AP1M1: variants seen among roughly 807,000 people sequenced by gnomAD.
AP1M1 encodes the protein AP-1 complex subunit mu-1.
A neutral mutation model predicts 57.1 loss-of-function variants in AP1M1; 18 were observed. The observed-to-expected ratio is 0.32, with a 90% CI of 0.22 to 0.47. The LOEUF is 0.47. Among genes scored for constraint, AP1M1 ranks in the 20% least tolerant of loss-of-function variants. AP1M1 has a pLI of 1.00. For synonymous variants in AP1M1, 241 were observed against 237.9 expected, an observed-to-expected ratio of 1.01 and a Z score of -0.12; for missense variants, 362 against 593.5, an observed-to-expected ratio of 0.61 and a Z score of 4.05.
At chr19:16,221,093 T>A (rs1413714594) in intron 5 of AP1M1, among the ~76,000 whole-genome samples, 1 of 152,238 alleles carries the variant, frequency 6.6e-6, no homozygotes, top group East Asian at 1.9e-4. Context: ...AAGTTATCAA[T>A]CATTGTTTCC....
At position 16,236,715 on chromosome 19, in the gene AP1M1, A is replaced by G. The variant is rs1447424620; in HGVS notation, c.*2280A>G. On this transcript the variant is annotated 3_prime_UTR_variant, in exon 12 of 12. Coordinates refer to ENST00000291439, the MANE Select transcript of AP1M1 (RefSeq NM_032493.4). ...CTCATTTAGACCCCACGCTTGTAAT[A>G]TCAATCTGGTTTGCAGACAACCAGG... The G allele has an allele frequency of 6.6e-6, 1 of 152,244 alleles. No individual in the cohort carries two copies. The highest frequency in any genetic ancestry group is 1.5e-5 in the Non-Finnish European group (1 of 68,044). 9.4% of individuals were successfully genotyped at this position (152,244 alleles called of 1,614,324 possible). A position where few individuals can be genotyped will look rare whatever the true frequency, so the allele number is the denominator to read the frequency against.
chr19:16,224,778 A>C (rs2091563694), intron 5 of AP1M1, among the ~76,000 whole-genome samples: 1 of 152,142 alleles, frequency 6.6e-6, no homozygotes, highest in Non-Finnish European at 1.5e-5. Flanking sequence ...AGGGGCCGTC[A>C]CAGTGGAGTG....
intron 9 of AP1M1, among the ~76,000 whole-genome samples, chr19:16,233,010 C>T (rs747535337): frequency 1.2e-4 from 18 of 152,190 alleles, no homozygotes; most frequent in Admixed American, 5.2e-4. Context: ...GTCGCCTCTC[C>T]CTGGTCATGG....
chr19:16,229,071 C>A, intron 9 of AP1M1, 143 bp downstream of exon 9: 1 of 969,116 alleles, frequency 1.0e-6, no homozygotes, highest in Non-Finnish European at 1.5e-6. Flanking sequence ...AAAGGGTGGA[C>A]GGAGAGCTGA....
intron 5 of AP1M1, among the ~76,000 whole-genome samples, chr19:16,216,519 TGTCAAGA>T (rs1208235913): frequency 1.3e-5 from 2 of 152,234 alleles, no homozygotes; most frequent in African/African-American, 4.8e-5. Flanking sequence ...TTATTTGAGT[TGTCAAGA>T]GTCCTTGTGC....
rs777004013 is a variant in AP1M1 at position 16,228,563 on chromosome 19, G to T, written c.889-207G>T. On this transcript the variant is annotated intron_variant, in intron 8 of 11. Transcript: ENST00000291439. The surrounding 1 kb of genome is among the most constrained non-coding windows in gnomAD (Gnocchi z 5.0). ...GATGAGGAGCCTTGGAAGCTGAGCA[G>T]ACAGGAGGATGAAGATGAAACTCCT... 5.3e-5 allele frequency among the ~76,000 whole-genome samples: 8 copies of T among 152,194 alleles called. No individual in the cohort carries two copies. Among genetic ancestry groups the T allele is most frequent in the Non-Finnish European group, 8.8e-5 (6 of 68,012 alleles).
At chr19:16,216,699 A>G (rs1389322720) in intron 5 of AP1M1, among the ~76,000 whole-genome samples, 1 of 152,088 alleles carries the variant, frequency 6.6e-6, no homozygotes, top group African/African-American at 2.4e-5. Context: ...ATTTTAGGGG[A>G]CCAAGGCTCA....
chr19:16,218,491 T>C lies in AP1M1; in HGVS notation c.547-7930T>C, dbSNP rs190740777. Among the ~76,000 whole-genome samples the C allele has an allele frequency of 1.9e-3, 296 of 152,266 alleles. 1 individual carries two copies. Among genetic ancestry groups the C allele is most frequent in the African/African-American group, 6.9e-3 (287 of 41,554 alleles). On this transcript the variant is annotated intron_variant, in intron 5 of 11. Transcript: ENST00000291439. ...GGAGTCACTGGGAGCCAGGAATGATTCCTGGTGCACAGTAGCCCTGTGCAG... is the reference window on the plus strand; with the variant it reads ...GGAGTCACTGGGAGCCAGGAATGATCCCTGGTGCACAGTAGCCCTGTGCAG...
In AP1M1 at chr19:16,240,893, T is replaced by A. The variant is rs1332856335; in HGVS notation, c.*6458T>A. The A allele has an allele frequency of 6.6e-6, 1 of 152,094 alleles. No homozygotes were observed. The highest frequency in any genetic ancestry group is 1.5e-5 in the Non-Finnish European group (1 of 68,030). 9.4% of individuals were successfully genotyped at this position (152,094 alleles called of 1,614,324 possible). On this transcript the variant is annotated 3_prime_UTR_variant, in exon 12 of 12. Coordinates refer to ENST00000291439, the MANE Select transcript of AP1M1 (RefSeq NM_032493.4). ...GATCCTAACAGCAACACTAAGAGATTAAAATGTCTCTCCAAAGAGCAATTG... is the reference window on the plus strand; with the variant it reads ...GATCCTAACAGCAACACTAAGAGATAAAAATGTCTCTCCAAAGAGCAATTG...
Position 16,241,530 on chromosome 19 carries a change from C to T in AP1M1, c.*7095C>T, listed in dbSNP as rs1421503088. ...AAGGCGCAACTGAAGTACTAGACAA[C>T]ATCCTGGTGTTCATGCCTTTCAAGG... On this transcript the variant is annotated 3_prime_UTR_variant, in exon 12 of 12. Coordinates refer to ENST00000291439, the MANE Select transcript of AP1M1 (RefSeq NM_032493.4). 6.6e-6 allele frequency: 1 copy of T among 152,148 alleles called. No homozygotes were observed. Among genetic ancestry groups the T allele is most frequent in the African/African-American group, 2.4e-5 (1 of 41,424 alleles). 9.4% of individuals were successfully genotyped at this position (152,148 alleles called of 1,614,324 possible). A position where few individuals can be genotyped will look rare whatever the true frequency, so the allele number is the denominator to read the frequency against.
Position 16,233,477 on chromosome 19 carries a change from C to T in AP1M1, c.1048-16C>T. 1 of 1,587,396 alleles carries T rather than the reference C, an allele frequency of 6.3e-7. No homozygotes were observed. Among genetic ancestry groups the T allele is most frequent in the Non-Finnish European group, 8.6e-7 (1 of 1,167,864 alleles). ...GCAGGGCCTAGGCCTGAGCGCCTCC[C>T]CCGTCTGCTCCCCAGGGCGGCAAGG... On this transcript the variant is annotated splice_polypyrimidine_tract_variant and intron_variant, in intron 9 of 11. Coordinates refer to ENST00000291439, the MANE Select transcript of AP1M1 (RefSeq NM_032493.4).
intron 5 of AP1M1, among the ~76,000 whole-genome samples, chr19:16,223,012 C>T (rs1210644903): frequency 1.3e-5 from 2 of 152,148 alleles, no homozygotes; most frequent in African/African-American, 4.8e-5. Context: ...TTGACATTTT[C>T]GTGGTTGTTT....
chr19:16,234,799 C>T lies in AP1M1; in HGVS notation c.*364C>T, dbSNP rs1277080037. 1.5e-5 allele frequency: 6 copies of T among 397,610 alleles called. No homozygotes were observed. The highest frequency in any genetic ancestry group is 4.4e-5 in the East Asian group (1 of 22,838). 24.6% of individuals were successfully genotyped at this position (397,610 alleles called of 1,614,324 possible). On this transcript the variant is annotated 3_prime_UTR_variant, in exon 12 of 12. Coordinates refer to ENST00000291439, the MANE Select transcript of AP1M1 (RefSeq NM_032493.4). ...AGCCAGCTGCAGGTGGCATCTGCCA[C>T]GAAGGAAGCGCCAGCCTCGCCAGGC...
chr19:16,219,398 GTTTTT>G (rs71178659), intron 5 of AP1M1, among the ~76,000 whole-genome samples: 5 of 21,478 alleles, frequency 2.3e-4, no homozygotes, highest in Non-Finnish European at 7.5e-4. Context: ...TTGTTTTTTT[GTTTTT>G]TTTTTTTTTT....
rs1204922812 is a variant in AP1M1 at position 16,235,320 on chromosome 19, C to A, written c.*885C>A. ...CCTGTGTGTGTTTATGTCATAGTTA[C>A]ATTAAATTCCATTCATTGAATACTC... is the stretch of plus-strand genomic sequence containing the variant. On this transcript the variant is annotated 3_prime_UTR_variant, in exon 12 of 12. Coordinates refer to ENST00000291439, the MANE Select transcript of AP1M1 (RefSeq NM_032493.4). The A allele has an allele frequency of 4.6e-5, 7 of 152,406 alleles. No homozygotes were observed. In the East Asian group the frequency reaches 1.3e-3, roughly 29 times the overall value. 9.4% of individuals were successfully genotyped at this position (152,406 alleles called of 1,614,324 possible).
Position 16,240,237 on chromosome 19 carries a change from C to G in AP1M1, c.*5802C>G, listed in dbSNP as rs1046163403. ...GCAATCCCTTGAGGATATGGAGGGACGACTCTGTGTGTGTGTGTGTGTGTG... is the reference window on the plus strand; with the variant it reads ...GCAATCCCTTGAGGATATGGAGGGAGGACTCTGTGTGTGTGTGTGTGTGTG... On this transcript the variant is annotated 3_prime_UTR_variant, in exon 12 of 12. Coordinates refer to ENST00000291439, the MANE Select transcript of AP1M1 (RefSeq NM_032493.4). 2.8e-5 allele frequency: 4 copies of G among 143,672 alleles called. No homozygotes were observed. In the Admixed American group the frequency reaches 2.8e-4, roughly 10 times the overall value. 8.9% of individuals were successfully genotyped at this position (143,672 alleles called of 1,614,324 possible).
chr19:16,242,634 G>A lies in AP1M1; in HGVS notation c.*8199G>A, dbSNP rs2091649464. On this transcript the variant is annotated 3_prime_UTR_variant, in exon 12 of 12. Coordinates refer to ENST00000291439, the MANE Select transcript of AP1M1 (RefSeq NM_032493.4). ...TGAAAGTAAAAAAACATTAAAAGAT[G>A]TGACACTTAAAATATAAGCACACAA... The A allele has an allele frequency of 6.6e-6, 1 of 152,190 alleles. No homozygotes were observed. The highest frequency in any genetic ancestry group is 2.4e-5 in the African/African-American group (1 of 41,448). The allele number at this position is 152,190 out of a possible 1,614,324, so 9.4% of individuals were successfully genotyped here. A position where few individuals can be genotyped will look rare whatever the true frequency, so the allele number is the denominator to read the frequency against.
rs575252256 is a variant in AP1M1 at position 16,227,401 on chromosome 19, A to G, written c.674-147A>G. On this transcript the variant is annotated intron_variant, in intron 6 of 11. Transcript: ENST00000291439. This position sits in a 1 kb window ranked among gnomAD's most constrained non-coding sequence, Gnocchi z 6.2. ...TGATGGGGCAGTTGTCTTGGGACCC[A>G]GCCCCCTTGGTGTTTGTGGCCCAGG... 4.2e-5 allele frequency: 37 copies of G among 878,776 alleles called. No homozygotes were observed. In the Admixed American group the frequency reaches 9.0e-4, roughly 21 times the overall value. 54.4% of individuals were successfully genotyped at this position (878,776 alleles called of 1,614,324 possible). A position where few individuals can be genotyped will look rare whatever the true frequency, so the allele number is the denominator to read the frequency against.
Position 16,197,974 on chromosome 19 carries a change from G to GCCGC in AP1M1, c.-53_-52insCCGC. ...TGCTCAACGCCCAGCAGTCCCCACC[G>GCCGC]TCGCTGCCGCCGCCACCGCCCTCGG... is the stretch of plus-strand genomic sequence containing the variant. On this transcript the variant is annotated 5_prime_UTR_variant, in exon 1 of 12. Coordinates refer to ENST00000291439, the MANE Select transcript of AP1M1 (RefSeq NM_032493.4). 1.3e-6 allele frequency: 2 copies of GCCGC among 1,512,682 alleles called. No individual in the cohort carries two copies. Among genetic ancestry groups the GCCGC allele is most frequent in the African/African-American group, 1.4e-5 (1 of 69,830 alleles). 93.7% of individuals were successfully genotyped at this position (1,512,682 alleles called of 1,614,324 possible). A position where few individuals can be genotyped will look rare whatever the true frequency, so the allele number is the denominator to read the frequency against.
Sources: allele counts gnomAD v4.1 joint callset (sites outside exome capture counted in the v4.1 genomes callset), GRCh38; gene constraint gnomAD v4.1.1; non-coding constraint Gnocchi (gnomAD v3.1); transcripts MANE v1.5; gene names NCBI Gene and HGNC (gene_info 2026-07-23, HGNC 2026-07-21).